The following SPNS2 variants were observed in gnomAD, a reference collection of about 807,000 sequenced individuals.
The protein encoded by SPNS2 is sphingosine-1-phosphate transporter SPNS2.
SPNS2 carries 37 observed loss-of-function variants against 57.6 expected under a neutral mutation model. The observed-to-expected ratio is 0.64, with a 90% CI of 0.49 to 0.85. SPNS2 has a LOEUF of 0.85. SPNS2 is among the 40% of genes least tolerant of loss of function. The pLI is 0.00. For synonymous variants in SPNS2, 440 were observed against 346.9 expected, an observed-to-expected ratio of 1.27 and a Z score of -2.98; for missense variants, 831 against 779.1, an observed-to-expected ratio of 1.07 and a Z score of -0.79.
intron 2 of SPNS2, among the ~76,000 whole-genome samples, chr17:4,518,731 G>C (rs1905062602): frequency 6.6e-6 from 1 of 152,174 alleles, no homozygotes; most frequent in South Asian, 2.1e-4. Flanking sequence ...ACCAGACAGT[G>C]CCTCTGTTTT....
At chr17:4,530,234 A>T (rs1023774843) in intron 3 of SPNS2, among the ~76,000 whole-genome samples, 2 of 152,166 alleles carry the variant, frequency 1.3e-5, no homozygotes, top group Admixed American at 6.5e-5. Context: ...GGAGAGACAC[A>T]CAGAGTGGAG....
At chr17:4,520,639 G>C (rs915838234) in intron 2 of SPNS2, among the ~76,000 whole-genome samples, 1 of 152,048 alleles carries the variant, frequency 6.6e-6, no homozygotes, top group Non-Finnish European at 1.5e-5. Context: ...CTGTCTCCTT[G>C]CTGTCCTCAG....
At position 4,536,413 on chromosome 17, in the gene SPNS2, A is replaced by G. The variant is rs1370245645; in HGVS notation, c.1594A>G (p.Arg532Gly). Residue 532 changes from arginine (R) to glycine (G), a missense_variant, in exon 11 of 13, where the codon AGG (arginine) becomes GGG (glycine). By Grantham distance (125) the Arg-to-Gly change is moderately radical. Coordinates refer to ENST00000329078, the MANE Select transcript of SPNS2 (RefSeq NM_001124758.3). The part of the protein sequence containing the change: ...TALFFVSDRA[R>G]AEQQVNQLAM... ...GCTCTTCTTCGTCAGCGACCGCGCC[A>G]GGGCTGAGCAGCAGTGAGTGGGGGG... 1 of 1,574,194 alleles carries G rather than the reference A, an allele frequency of 6.4e-7. No homozygotes were observed. Among genetic ancestry groups the G allele is most frequent in the East Asian group, 2.2e-5 (1 of 44,572 alleles).
chr17:4,532,102 TCCATCCATCCA>T (rs1905503905), intron 5 of SPNS2, among the ~76,000 whole-genome samples: 1 of 152,306 alleles, frequency 6.6e-6, no homozygotes, highest in East Asian at 1.9e-4. Context: ...CATCCGTCTG[TCCATCCATCCA>T]CCATCCGTCC....
chr17:4,533,784 G>A lies in SPNS2; in HGVS notation c.1279-4G>A, dbSNP rs1029204713. 1.2e-6 allele frequency: 2 copies of A among 1,613,556 alleles called. No homozygotes were observed. The highest frequency in any genetic ancestry group is 1.7e-6 in the Non-Finnish European group (2 of 1,179,992). Reference sequence around the variant, plus strand: ...TGATGGTGGCTTTGCCTTCTCCCCGGCAGATCTGTATCTTCGTCGGGGAGA... The same window carrying A: ...TGATGGTGGCTTTGCCTTCTCCCCGACAGATCTGTATCTTCGTCGGGGAGA... On this transcript the variant is annotated splice_polypyrimidine_tract_variant and splice_region_variant and intron_variant, in intron 8 of 12. Transcript: ENST00000329078.
Position 4,518,440 on chromosome 17 carries a change from A to G in SPNS2, c.436+5128A>G, listed in dbSNP as rs1478725076. ...CGGGAGACTGAGGCAGGGGAATGGCATGAACCCAGGAGGCGGAGCTTGCAG... is the reference window on the plus strand; with the variant it reads ...CGGGAGACTGAGGCAGGGGAATGGCGTGAACCCAGGAGGCGGAGCTTGCAG... On this transcript the variant is annotated intron_variant, in intron 2 of 12. Transcript: ENST00000329078. Among the ~76,000 whole-genome samples the G allele has an allele frequency of 3.3e-5, 5 of 152,208 alleles. No homozygotes were observed. In the South Asian group the frequency reaches 8.3e-4, roughly 25 times the overall value.
rs201456858 is a variant in SPNS2, at chr17:4,536,398, G to A, written c.1579G>A (p.Val527Ile). 222 of 1,602,872 alleles carry A rather than the reference G, an allele frequency of 1.4e-4. 2 individuals are homozygous for A. The highest frequency in any genetic ancestry group is 4.0e-4 in the Admixed American group (24 of 59,932). The stretch of plus-strand genomic sequence containing the variant: ...CTTCCTCGCCACTGCGCTCTTCTTC[G>A]TCAGCGACCGCGCCAGGGCTGAGCA... ...MFFLATALFF[V>I]SDRARAEQQV... is the part of the protein sequence containing the mutation. Residue 527 changes from valine (V) to isoleucine (I), a missense_variant, in exon 11 of 13, where the codon GTC becomes ATC. Physicochemically the swap from Val to Ile is conservative, Grantham distance 29. This residue lies in a region of SPNS2 where 526 missense variants were observed against 400.9 expected (regional missense o/e 1.31). Coordinates refer to ENST00000329078, the MANE Select transcript of SPNS2 (RefSeq NM_001124758.3).
chr17:4,533,257 CCA>C lies in SPNS2; in HGVS notation c.1104_1105del (p.Ile369HisfsTer70). On this transcript the variant is annotated frameshift_variant, in exon 8 of 13. Coordinates refer to ENST00000329078, the MANE Select transcript of SPNS2 (RefSeq NM_001124758.3). LOFTEE classifies it high-confidence loss of function. Reference sequence around the variant, plus strand: ...TGTCCCCACAGCCTCATCTTTGGGGCCATCACCTGCTTTACGGGATTTCTGGG... The same window carrying C: ...TGTCCCCACAGCCTCATCTTTGGGGCTCACCTGCTTTACGGGATTTCTGGG... The C allele has an allele frequency of 1.2e-6, 2 of 1,603,968 alleles. No individual in the cohort carries two copies. The highest frequency in any genetic ancestry group is 1.7e-6 in the Non-Finnish European group (2 of 1,174,072).
At chr17:4,528,751 A>G (rs1272619134) in intron 3 of SPNS2, among the ~76,000 whole-genome samples, 1 of 151,944 alleles carries the variant, frequency 6.6e-6, no homozygotes, top group Non-Finnish European at 1.5e-5. Context: ...TGCTGGGATT[A>G]CAGATGTGAG....
rs4790202 is a variant in SPNS2, at chr17:4,533,919, C to T, written c.1344+66C>T. On this transcript the variant is annotated intron_variant, in intron 9 of 12. Transcript: ENST00000329078. The stretch of plus-strand genomic sequence containing the variant: ...AGGCCTCTTGACCTCACAGGGGTGC[C>T]TGGGGAGGGCGGGTGAAGGGGCGGG... The T allele has an allele frequency of 0.49, 590,488 of 1,199,362 alleles. 148,810 individuals carry two copies. Among genetic ancestry groups the T allele is most frequent in the South Asian group, 0.59 (48,276 of 82,058 alleles). The allele number at this position is 1,199,362 out of a possible 1,614,324, so 74.3% of individuals were successfully genotyped here.
chr17:4,508,976 C>T (rs759445180), intron 1 of SPNS2, among the ~76,000 whole-genome samples: 11 of 152,058 alleles, frequency 7.2e-5, no homozygotes, highest in African/African-American at 2.4e-4. Context: ...GGAGGGATGC[C>T]GGCTGGCCGG....
intron 2 of SPNS2, among the ~76,000 whole-genome samples, chr17:4,518,826 G>A (rs930911496): frequency 6.6e-6 from 1 of 152,140 alleles, no homozygotes; most frequent in Middle Eastern, 3.2e-3. Context: ...GGGTTCTGAA[G>A]GCACAGCCGG....
chr17:4,530,325 T>G (rs976129194), intron 3 of SPNS2, among the ~76,000 whole-genome samples: 3 of 152,112 alleles, frequency 2.0e-5, no homozygotes, highest in Middle Eastern at 3.2e-3. Context: ...GACATAGGCT[T>G]GTGTCCCCAG....
At chr17:4,534,429 A>T (rs1001831404) in intron 9 of SPNS2, 7 of 165,718 alleles carry the variant, frequency 4.2e-5, no homozygotes, top group African/African-American at 9.6e-5. Context: ...GGCAGGGGTG[A>T]GTGTGACACT....
At chr17:4,535,933 G>A (rs1905759837) in intron 9 of SPNS2, 143 bp from the exon 10 acceptor site, 4 of 658,182 alleles carry the variant, frequency 6.1e-6, no homozygotes, top group Non-Finnish European at 1.0e-5. Flanking sequence ...GAGGAGGGCA[G>A]GGCCCAGGGG....
At chr17:4,520,778 C>T (rs1050683849) in intron 2 of SPNS2, among the ~76,000 whole-genome samples, 21 of 152,138 alleles carry the variant, frequency 1.4e-4, no homozygotes, top group African/African-American at 5.1e-4. Flanking sequence ...AATTCTGGCT[C>T]AGCCGCACAC....
chr17:4,535,934 G>C (rs1049568821), intron 9 of SPNS2, 142 bp from the exon 10 acceptor site: 4 of 661,674 alleles, frequency 6.0e-6, no homozygotes, highest in Non-Finnish European at 1.0e-5. Flanking sequence ...AGGAGGGCAG[G>C]GCCCAGGGGA....
intron 9 of SPNS2, 112 bp downstream of exon 9, chr17:4,533,965 C>T (rs1905630316): frequency 2.9e-6 from 3 of 1,050,334 alleles, no homozygotes; most frequent in Admixed American, 3.8e-5. Context: ...GGAAGGCAGG[C>T]CTGCCAGGAA....
intron 3 of SPNS2, among the ~76,000 whole-genome samples, chr17:4,530,142 T>A (rs1905400467): frequency 6.6e-6 from 1 of 151,728 alleles, no homozygotes; most frequent in South Asian, 2.1e-4. Context: ...CCCCTGGGCT[T>A]CCCTGCCAAC....
Sources: gnomAD v4.1 joint callset for allele counts (sites outside exome capture counted in the v4.1 genomes callset) on GRCh38, gnomAD v4.1.1 for gene constraint, gnomAD v4.1.1 regional missense constraint, MANE v1.5 for transcripts, NCBI Gene and HGNC (gene_info 2026-07-23, HGNC 2026-07-21) for gene names.